The following ABHD2 variants were observed in gnomAD, a reference collection of about 807,000 sequenced individuals.
ABHD2 encodes monoacylglycerol lipase ABHD2.
ABHD2 carries 20 observed loss-of-function variants against 48.1 expected under a neutral mutation model. The ratio of observed to expected loss-of-function variants is 0.42; its 90% CI spans 0.29 to 0.60. The LOEUF is 0.60. Ranked by LOEUF, ABHD2 falls within the 20% of genes least tolerant of loss-of-function variation. The pLI is 0.24. For synonymous variants in ABHD2, 209 were observed against 214.2 expected (o/e 0.98, Z 0.21); for missense variants, 405 against 550.9 (o/e 0.74, Z 2.65).
At chr15:89,165,594 A>AG (rs1195935563) in intron 5 of ABHD2, among the ~76,000 whole-genome samples, 2 of 152,116 alleles carry the variant, frequency 1.3e-5, no homozygotes, top group East Asian at 3.8e-4. Context: ...TCTAAAAAAA[A>AG]AAAATTTTTT....
Position 89,182,116 on chromosome 15 carries a change from C to A in ABHD2, c.723-3308C>A, listed in dbSNP as rs760833093. Among the ~76,000 whole-genome samples, 1 of 152,116 alleles carries A rather than the reference C, an allele frequency of 6.6e-6. No homozygotes were observed. The highest frequency in any genetic ancestry group is 1.5e-5 in the Non-Finnish European group (1 of 68,016). The stretch of plus-strand genomic sequence containing the variant: ...TGGATGGACAAAGTTCTTTAAAAAT[C>A]CTTATGGATTATTCTCAAAAAAGAC... On this transcript the variant is annotated intron_variant, in intron 6 of 10. Coordinates refer to ENST00000352732, the MANE Select transcript of ABHD2 (RefSeq NM_152924.5). This position sits in a 1 kb window ranked among gnomAD's most constrained non-coding sequence, Gnocchi z 4.8.
chr15:89,078,284 T>C, the ABHD2 span, among the ~76,000 whole-genome samples: 1 of 152,238 alleles, frequency 6.6e-6, no homozygotes, highest in Non-Finnish European at 1.5e-5. Flanking sequence ...TCTCTGAACA[T>C]TGCCTCCAGA....
upstream of ABHD2, among the ~76,000 whole-genome samples, chr15:89,086,795 T>C (rs1333129580): frequency 2.0e-5 from 3 of 152,196 alleles, no homozygotes; most frequent in Non-Finnish European, 4.4e-5. Flanking sequence ...AATCTAAAGC[T>C]CTTTTTTGGA....
At chr15:89,161,618 G>A (rs1319504479) in intron 5 of ABHD2, among the ~76,000 whole-genome samples, 2 of 152,098 alleles carry the variant, frequency 1.3e-5, no homozygotes, top group African/African-American at 2.4e-5. Context: ...CCAGACTGGT[G>A]TCGAACTCCT....
chr15:89,139,597 T>C (rs902844053), intron 3 of ABHD2, among the ~76,000 whole-genome samples: 2 of 152,228 alleles, frequency 1.3e-5, no homozygotes, highest in Non-Finnish European at 2.9e-5. Flanking sequence ...GGTTCGGACC[T>C]GATAACATCT....
intron 1 of ABHD2, among the ~76,000 whole-genome samples, chr15:89,105,322 A>G (rs1379014641): frequency 6.6e-6 from 1 of 152,246 alleles, no homozygotes. Context: ...GTGGAAGCTC[A>G]TGGGTTAGTA....
Position 89,104,983 on chromosome 15 carries a change from T to A in ABHD2, c.-106-8742T>A, listed in dbSNP as rs1214838886. The stretch of plus-strand genomic sequence containing the variant: ...TAGATTTTTAAAAATATGTTTAGGA[T>A]AAATCTCACAATTCATATGCCTGTT... On this transcript the variant is annotated intron_variant, in intron 1 of 10. Coordinates refer to ENST00000352732, the MANE Select transcript of ABHD2 (RefSeq NM_152924.5). The surrounding 1 kb of genome is among the most constrained non-coding windows in gnomAD (Gnocchi z 4.4). 1.3e-5 allele frequency among the ~76,000 whole-genome samples: 2 copies of A among 152,178 alleles called. No homozygotes were observed. The highest frequency in any genetic ancestry group is 1.9e-4 in the East Asian group (1 of 5,196).
chr15:89,162,301 C>G (rs905838981), intron 5 of ABHD2, among the ~76,000 whole-genome samples: 1 of 152,082 alleles, frequency 6.6e-6, no homozygotes, highest in Non-Finnish European at 1.5e-5. Flanking sequence ...CATTTTAATT[C>G]TTTTGTTCAA....
chr15:89,118,287 G>A (rs1284678384), intron 3 of ABHD2, among the ~76,000 whole-genome samples: 4 of 151,724 alleles, frequency 2.6e-5, no homozygotes, highest in South Asian at 2.1e-4. Context: ...AGGTTCAAGC[G>A]ATTCTCCTAC....
rs533375276 is a variant in ABHD2 at position 89,199,475 on chromosome 15, C to T, written c.*4052C>T. ...CTCTAGAGAATCCCTGGTATTACAA[C>T]GATATTGCGGCATTAGAATTCCAAC... On this transcript the variant is annotated 3_prime_UTR_variant, in exon 11 of 11. Transcript: ENST00000352732. This position sits in a 1 kb window ranked among gnomAD's most constrained non-coding sequence, Gnocchi z 4.1. 2 of 152,706 alleles carry T rather than the reference C, an allele frequency of 1.3e-5. No homozygotes were observed. Among genetic ancestry groups the T allele is most frequent in the South Asian group, 2.1e-4 (1 of 4,820 alleles). The allele number at this position is 152,706 out of a possible 1,614,324, so 9.5% of individuals were successfully genotyped here.
In ABHD2 at chr15:89,188,328, G is replaced by C. The variant is rs2051247514; in HGVS notation, c.926+25G>C. On this transcript the variant is annotated intron_variant, in intron 8 of 10. Coordinates refer to ENST00000352732, the MANE Select transcript of ABHD2 (RefSeq NM_152924.5). This position sits in a 1 kb window ranked among gnomAD's most constrained non-coding sequence, Gnocchi z 4.1. ...GGTGTGTCCGCGCAGGCGGGAGAGG[G>C]ACGCTCTGGGGCAGGGTGCCAGGCA... 6.2e-7 allele frequency: 1 copy of C among 1,606,618 alleles called. No homozygotes were observed. Among genetic ancestry groups the C allele is most frequent in the Non-Finnish European group, 8.5e-7 (1 of 1,173,990 alleles).
chr15:89,155,468 G>T lies in ABHD2; in HGVS notation c.472G>T (p.Ala158Ser). 6.2e-7 allele frequency: 1 copy of T among 1,614,124 alleles called. No homozygotes were observed. The highest frequency in any genetic ancestry group is 8.5e-7 in the Non-Finnish European group (1 of 1,180,014). ...DYAQKNGYRC[A>S]VLNHLGALPN... ...CGCCCAGAAAAATGGCTATCGGTGC[G>T]CCGTGCTGAACCACCTGGGTGCCCT... The change falls in exon 5 of 11, where the codon GCC (alanine) becomes TCC (serine). Residue 158 changes from alanine to serine, a missense_variant. Transcript: ENST00000352732. This position sits in a 1 kb window ranked among gnomAD's most constrained non-coding sequence, Gnocchi z 4.9.
In ABHD2 at chr15:89,174,085, G is replaced by C. The variant is rs1215467663; in HGVS notation, c.539-1727G>C. ...TCTTCATCTGGGCAATGCTTACCTG[G>C]GTATAAATGTGTAAAATTTCATTGA... On this transcript the variant is annotated intron_variant, in intron 5 of 10. Transcript: ENST00000352732. This position sits in a 1 kb window ranked among gnomAD's most constrained non-coding sequence, Gnocchi z 4.1. 6.6e-6 allele frequency among the ~76,000 whole-genome samples: 1 copy of C among 151,882 alleles called. No individual in the cohort carries two copies. Among genetic ancestry groups the C allele is most frequent in the Non-Finnish European group, 1.5e-5 (1 of 67,980 alleles).
At chr15:89,144,996 C>A (rs1378874446) in intron 3 of ABHD2, among the ~76,000 whole-genome samples, 1 of 152,204 alleles carries the variant, frequency 6.6e-6, no homozygotes, top group Non-Finnish European at 1.5e-5. Context: ...GTGGCTCACA[C>A]CTGTAATCCC....
intron 4 of ABHD2, among the ~76,000 whole-genome samples, chr15:89,152,150 A>G (rs1287225211): frequency 6.7e-6 from 1 of 149,792 alleles, no homozygotes; most frequent in Non-Finnish European, 1.5e-5. Context: ...ATCTCGGCTC[A>G]CTGCAAGCTC....
Position 89,088,854 on chromosome 15 carries a change from G to C in ABHD2, c.-107+291G>C, listed in dbSNP as rs953211331. On this transcript the variant is annotated intron_variant, in intron 1 of 10. Coordinates refer to ENST00000352732, the MANE Select transcript of ABHD2 (RefSeq NM_152924.5). The surrounding 1 kb of genome is among the most constrained non-coding windows in gnomAD (Gnocchi z 6.8). The stretch of plus-strand genomic sequence containing the variant: ...CCCGACCGCGGCCTTTCCCCCATTG[G>C]TGCTCACTCCTGGGTCTTCAGGGGC... 2.0e-5 allele frequency among the ~76,000 whole-genome samples: 3 copies of C among 152,226 alleles called. No homozygotes were observed. Among genetic ancestry groups the C allele is most frequent in the African/African-American group, 7.2e-5 (3 of 41,456 alleles).
At position 89,182,870 on chromosome 15, in the gene ABHD2, G is replaced by A. The variant is rs2051135949; in HGVS notation, c.723-2554G>A. 6.6e-6 allele frequency among the ~76,000 whole-genome samples: 1 copy of A among 152,076 alleles called. No individual in the cohort carries two copies. The highest frequency in any genetic ancestry group is 2.4e-5 in the African/African-American group (1 of 41,406). On this transcript the variant is annotated intron_variant, in intron 6 of 10. Transcript: ENST00000352732. This position sits in a 1 kb window ranked among gnomAD's most constrained non-coding sequence, Gnocchi z 4.8. The stretch of plus-strand genomic sequence containing the variant: ...GTGTCTAGAGAGCTAAACTCCCCTG[G>A]TTTCGTGCCCATTTTGTGATTTGCA...
chr15:89,194,140 A>G (rs1204878206), intron 10 of ABHD2, among the ~76,000 whole-genome samples: 5 of 152,168 alleles, frequency 3.3e-5, no homozygotes, highest in African/African-American at 1.2e-4. Flanking sequence ...CTTGAAAAGC[A>G]AAACAAAAAA....
rs2050653537 is a variant in ABHD2, at chr15:89,155,286, C to G, written c.371-81C>G. 4 of 1,463,628 alleles carry G rather than the reference C, an allele frequency of 2.7e-6. No individual in the cohort carries two copies. Among genetic ancestry groups the G allele is most frequent in the Non-Finnish European group, 3.7e-6 (4 of 1,067,952 alleles). 90.7% of individuals were successfully genotyped at this position (1,463,628 alleles called of 1,614,324 possible). ...ATGTTGAATTCCCTCCCCTTGTTTTCTAGACCAGTGAAGTGTAATTATGTC... is the reference window on the plus strand; with the variant it reads ...ATGTTGAATTCCCTCCCCTTGTTTTGTAGACCAGTGAAGTGTAATTATGTC... On this transcript the variant is annotated intron_variant, in intron 4 of 10. Coordinates refer to ENST00000352732, the MANE Select transcript of ABHD2 (RefSeq NM_152924.5). This position sits in a 1 kb window ranked among gnomAD's most constrained non-coding sequence, Gnocchi z 4.9.
Sources: gnomAD v4.1 joint callset for allele counts (sites outside exome capture counted in the v4.1 genomes callset) on GRCh38, gnomAD v4.1.1 for gene constraint, Gnocchi (gnomAD v3.1) non-coding constraint, MANE v1.5 for transcripts, NCBI Gene and HGNC (gene_info 2026-07-23, HGNC 2026-07-21) for gene names.